Variants in REPS1 observed in about 807,000 individuals in gnomAD.
The protein encoded by REPS1 is RALBP1 associated Eps domain containing 1.
A neutral mutation model predicts 100.9 loss-of-function variants in REPS1; 39 were observed. The observed-to-expected ratio is 0.39, with a 90% CI of 0.30 to 0.50. REPS1 has a LOEUF of 0.50. REPS1 is among the 20% of genes least tolerant of loss of function. REPS1 has a pLI of 0.86. For synonymous variants in REPS1, 324 were observed against 340.3 expected, an observed-to-expected ratio of 0.95 and a Z score of 0.53; for missense variants, 821 against 968.5, an observed-to-expected ratio of 0.85 and a Z score of 2.02.
At position 138,932,518 on chromosome 6, in the gene REPS1, T is replaced by C. The variant is rs936656222; in HGVS notation, c.1136-2420A>G. On this transcript the variant is annotated intron_variant, in intron 8 of 19. Transcript: ENST00000450536. The stretch of plus-strand genomic sequence containing the variant: ...TAAATATGCATGCTGATCTCACTTA[T>C]GAATGTTCATGAAGCAGTACAAATT... Among the ~76,000 whole-genome samples the C allele has an allele frequency of 4.0e-5, 6 of 151,142 alleles. No homozygotes were observed. In the East Asian group the frequency reaches 5.9e-4, roughly 15 times the overall value.
chr6:138,949,046 G>A (rs1782821976), intron 1 of REPS1, among the ~76,000 whole-genome samples: 1 of 152,204 alleles, frequency 6.6e-6, no homozygotes, highest in African/African-American at 2.4e-5. Context: ...GAACTATGAG[G>A]AAAAGGGGAG....
chr6:138,917,677 T>C (rs1356899125), intron 12 of REPS1, 50 bp from the exon 13 acceptor site: 1 of 1,473,248 alleles, frequency 6.8e-7, no homozygotes, highest in Admixed American at 1.7e-5. Context: ...CTTTACTTTT[T>C]GCTCTATCTA....
At chr6:138,907,443 A>C in intron 19 of REPS1, 52 bp downstream of exon 19, 7 of 1,261,468 alleles carry the variant, frequency 5.5e-6, no homozygotes, top group Non-Finnish European at 8.1e-6. Context: ...CCTTCTCTTT[A>C]GGTTTCTTTA....
intron 16 of REPS1, chr6:138,912,564 C>A: frequency 1.7e-6 from 1 of 586,134 alleles, no homozygotes; most frequent in Non-Finnish European, 3.0e-6. Flanking sequence ...TGATATCAAT[C>A]CCCCACCCCC....
chr6:138,984,074 C>A (rs59483488), intron 1 of REPS1, among the ~76,000 whole-genome samples: 21,533 of 148,322 alleles, frequency 0.15, 1,683 homozygotes, highest in African/African-American at 0.17. Flanking sequence ...ATCTCTCTCT[C>A]TCTCTTTTTT....
At position 138,921,027 on chromosome 6, in the gene REPS1, G is replaced by A; in HGVS notation, c.1426+10C>T. ...AAAACTAAAATACAAACCAGCAACA[G>A]CTTCCTTACCGCTGCCAGTTCTTTT... is the stretch of plus-strand genomic sequence containing the variant. On this transcript the variant is annotated intron_variant, in intron 11 of 19. Transcript: ENST00000450536. 1 of 1,598,206 alleles carries A rather than the reference G, an allele frequency of 6.3e-7. No homozygotes were observed.
intron 8 of REPS1, among the ~76,000 whole-genome samples, chr6:138,932,287 A>T (rs543606411): frequency 1.7e-5 from 2 of 119,464 alleles, no homozygotes; most frequent in African/African-American, 5.9e-5. Context: ...TGTAGACCTC[A>T]AACTGTGGAC....
intron 13 of REPS1, 38 bp from the exon 14 acceptor site, chr6:138,916,014 G>A: frequency 7.1e-7 from 1 of 1,408,902 alleles, no homozygotes. Context: ...TCATACTACT[G>A]ATATCAGAGC....
chr6:138,925,902 T>A (rs1296880888), intron 10 of REPS1, among the ~76,000 whole-genome samples: 4 of 152,198 alleles, frequency 2.6e-5, no homozygotes, highest in Non-Finnish European at 4.4e-5. Flanking sequence ...AGCGGAATAT[T>A]TGACCAACAT....
In REPS1 at chr6:138,921,543, C is replaced by T. The variant is rs181586829; in HGVS notation, c.1339-419G>A. 7.2e-5 allele frequency among the ~76,000 whole-genome samples: 10 copies of T among 139,280 alleles called. No homozygotes were observed. The East Asian group carries it at 1.3e-3, about 19-fold the overall frequency. 91.4% of individuals were successfully genotyped at this position (139,280 alleles called of 152,430 possible). On this transcript the variant is annotated intron_variant, in intron 10 of 19. Transcript: ENST00000450536. Reference sequence around the variant, plus strand: ...CCCATGACTTATAGTCCCAGCTACTCGGGGATGCTTAGGTAGGAGGATCCT... The same window carrying T: ...CCCATGACTTATAGTCCCAGCTACTTGGGGATGCTTAGGTAGGAGGATCCT...
At chr6:138,917,141 G>A (rs1169909350) in intron 13 of REPS1, among the ~76,000 whole-genome samples, 2 of 152,218 alleles carry the variant, frequency 1.3e-5, no homozygotes, top group Non-Finnish European at 2.9e-5. Context: ...GTTTGTGCCT[G>A]AAAGGTTATA....
intron 13 of REPS1, chr6:138,916,237 T>TTTTTTTTC (rs1780382631): frequency 3.3e-6 from 1 of 305,558 alleles, no homozygotes; most frequent in African/African-American, 2.6e-5. Flanking sequence ...TTTTTTTTTT[T>TTTTTTTTC]TTTGAGACAG....
intron 9 of REPS1, chr6:138,926,690 T>G: frequency 1.9e-6 from 1 of 518,258 alleles, no homozygotes; most frequent in Non-Finnish European, 3.5e-6. Flanking sequence ...CAATCAAAAG[T>G]ATAGTAATGA....
intron 9 of REPS1, 114 bp downstream of exon 9, chr6:138,929,863 T>G: frequency 1.0e-6 from 1 of 984,346 alleles, no homozygotes; most frequent in Non-Finnish European, 1.5e-6. Context: ...ATATCTGATA[T>G]GTTCTCTCAA....
rs1244622163 is a variant in REPS1, at chr6:138,923,579, T to A, written c.1339-2455A>T. Among the ~76,000 whole-genome samples, 3 of 152,192 alleles carry A rather than the reference T, an allele frequency of 2.0e-5. No homozygotes were observed. The South Asian group carries it at 6.2e-4, about 32-fold the overall frequency. On this transcript the variant is annotated intron_variant, in intron 10 of 19. Coordinates refer to ENST00000450536, the MANE Select transcript of REPS1 (RefSeq NM_001286611.2). ...TACACTTCTCATCCACCTACAATTT[T>A]CCTGTGTTTTCATTCATGTATATCC... is the stretch of plus-strand genomic sequence containing the variant.
At chr6:138,977,691 G>A (rs1245877862) in intron 1 of REPS1, among the ~76,000 whole-genome samples, 1 of 152,140 alleles carries the variant, frequency 6.6e-6, no homozygotes, top group Non-Finnish European at 1.5e-5. Context: ...TGACTATTGT[G>A]AATAATGCTA....
At chr6:138,930,196 T>C (rs1781402680) in intron 8 of REPS1, 98 bp from the exon 9 acceptor site, 1 of 910,634 alleles carries the variant, frequency 1.1e-6, no homozygotes, top group African/African-American at 1.7e-5. Context: ...ATGATTTTCA[T>C]AAGTAGTAAT....
Position 138,904,193 on chromosome 6 carries a change from T to C in REPS1, c.*871A>G, listed in dbSNP as rs893084895. 2 of 152,170 alleles carry C rather than the reference T, an allele frequency of 1.3e-5. No individual in the cohort carries two copies. Among genetic ancestry groups the C allele is most frequent in the Admixed American group, 6.5e-5 (1 of 15,282 alleles). 9.4% of individuals were successfully genotyped at this position (152,170 alleles called of 1,614,324 possible). A position where few individuals can be genotyped will look rare whatever the true frequency, so the allele number is the denominator to read the frequency against. On this transcript the variant is annotated 3_prime_UTR_variant, in exon 20 of 20. Coordinates refer to ENST00000450536, the MANE Select transcript of REPS1 (RefSeq NM_001286611.2). Reference sequence around the variant, plus strand: ...ATATTAAACAAAATCTAAAACAGCATATTGTCCTGAATAAGGCATACTCCA... The same window carrying C: ...ATATTAAACAAAATCTAAAACAGCACATTGTCCTGAATAAGGCATACTCCA...
intron 1 of REPS1, among the ~76,000 whole-genome samples, chr6:138,982,140 C>T (rs1784990178): frequency 1.3e-5 from 2 of 152,130 alleles, no homozygotes; most frequent in Non-Finnish European, 2.9e-5. Context: ...GAATAACAAA[C>T]CTGAGACTTA....
Sources: gnomAD v4.1 joint callset for allele counts (sites outside exome capture counted in the v4.1 genomes callset) on GRCh38, gnomAD v4.1.1 for gene constraint, MANE v1.5 for transcripts, NCBI Gene and HGNC (gene_info 2026-07-23, HGNC 2026-07-21) for gene names.